Variants in SMAP1 observed in about 807,000 individuals in gnomAD.
The protein encoded by SMAP1 is small ArfGAP 1, also known as stromal membrane-associated protein 1.
A neutral mutation model predicts 58.5 loss-of-function variants in SMAP1; 24 were observed. The observed-to-expected ratio is 0.41, with a 90% CI of 0.30 to 0.58. SMAP1 has a LOEUF of 0.58. Ranked by LOEUF, SMAP1 falls within the 20% of genes least tolerant of loss-of-function variation. The pLI is 0.29. For missense variants in SMAP1, 563 were observed against 566.3 expected (o/e 0.99, Z 0.06); for synonymous variants, 216 against 196.6 (o/e 1.10, Z -0.82).
intron 7 of SMAP1, among the ~76,000 whole-genome samples, chr6:70,846,609 A>T (rs1279309606): frequency 6.6e-6 from 1 of 152,144 alleles, no homozygotes; most frequent in Non-Finnish European, 1.5e-5. Flanking sequence ...TGTGGGTGGT[A>T]TGGCCTGCAG....
At chr6:70,793,602 A>G (rs962298857) in intron 5 of SMAP1, among the ~76,000 whole-genome samples, 1 of 151,642 alleles carries the variant, frequency 6.6e-6, no homozygotes, top group Non-Finnish European at 1.5e-5. Context: ...GGTTGGATAT[A>G]CAGGTCTAGG....
intron 4 of SMAP1, among the ~76,000 whole-genome samples, chr6:70,778,389 C>T (rs1767628693): frequency 6.6e-6 from 1 of 152,024 alleles, no homozygotes; most frequent in South Asian, 2.1e-4. Context: ...TTCCTTTATG[C>T]CTAATTTGTT....
rs558399322 is a variant in SMAP1, at chr6:70,697,598, G to A, written c.118+29457G>A. Among the ~76,000 whole-genome samples, 243 of 152,214 alleles carry A rather than the reference G, an allele frequency of 1.6e-3. 1 individual carries two copies. Among genetic ancestry groups the A allele is most frequent in the African/African-American group, 5.6e-3 (231 of 41,534 alleles). ...TGGGATTACAGGCGTGAGCCACCACGCCTGGCCGCTTCTTGTCTTTTTGTG... is the reference window on the plus strand; with the variant it reads ...TGGGATTACAGGCGTGAGCCACCACACCTGGCCGCTTCTTGTCTTTTTGTG... On this transcript the variant is annotated intron_variant, in intron 1 of 10. Coordinates refer to ENST00000370455, the MANE Select transcript of SMAP1 (RefSeq NM_001044305.3).
intron 3 of SMAP1, among the ~76,000 whole-genome samples, chr6:70,764,830 C>T (rs187066258): frequency 1.3e-5 from 2 of 152,154 alleles, no homozygotes; most frequent in Admixed American, 6.5e-5. Flanking sequence ...GACAGGGTCT[C>T]ACTCCATTGC....
chr6:70,729,447 A>T (rs1392823853), intron 1 of SMAP1, among the ~76,000 whole-genome samples: 1 of 110,108 alleles, frequency 9.1e-6, no homozygotes, highest in Non-Finnish European at 2.0e-5. Flanking sequence ...TCAAAAAAAA[A>T]AAAAAAGAAG....
At chr6:70,769,170 A>G (rs574284172) in intron 3 of SMAP1, among the ~76,000 whole-genome samples, 5 of 152,156 alleles carry the variant, frequency 3.3e-5, no homozygotes, top group Non-Finnish European at 7.3e-5. Context: ...TTTACTTCCA[A>G]CTATGTGGTC....
At chr6:70,737,649 C>T (rs895388618) in intron 2 of SMAP1, among the ~76,000 whole-genome samples, 1 of 152,140 alleles carries the variant, frequency 6.6e-6, no homozygotes, top group Non-Finnish European at 1.5e-5. Flanking sequence ...TCATATGTGT[C>T]TTTGTAGTGC....
chr6:70,668,207 C>A, intron 1 of SMAP1, 66 bp downstream of exon 1: 2 of 1,422,490 alleles, frequency 1.4e-6, no homozygotes, highest in East Asian at 2.6e-5. Context: ...CCCGCCGCTG[C>A]GGCGCTCGGG....
In SMAP1 at chr6:70,826,963, AAAAG is replaced by A. The variant is rs1409734059; in HGVS notation, c.577-9974_577-9971del. Among the ~76,000 whole-genome samples, 387 of 149,864 alleles carry A rather than the reference AAAAG, an allele frequency of 2.6e-3. 2 individuals are homozygous for A. The highest frequency in any genetic ancestry group is 8.8e-3 in the African/African-American group (360 of 40,814). On this transcript the variant is annotated intron_variant, in intron 6 of 10. Coordinates refer to ENST00000370455, the MANE Select transcript of SMAP1 (RefSeq NM_001044305.3). ...AAAAAAAAAAAAAAAAAAAAAAAGA[AAAAG>A]AAAAGAAAAAAAAAACCCCACAGTT...
At chr6:70,728,249 A>G (rs1765269364) in intron 1 of SMAP1, among the ~76,000 whole-genome samples, 1 of 152,158 alleles carries the variant, frequency 6.6e-6, no homozygotes, top group Non-Finnish European at 1.5e-5. Flanking sequence ...GGAAGAGGCC[A>G]GGGGAACACA....
rs757160755 is a variant in SMAP1, at chr6:70,856,952, G to C, written c.883G>C (p.Val295Leu). The C allele has an allele frequency of 6.2e-7, 1 of 1,613,978 alleles. No individual in the cohort carries two copies. Among genetic ancestry groups the C allele is most frequent in the Non-Finnish European group, 8.5e-7 (1 of 1,179,884 alleles). The change falls in exon 9 of 11, where the codon GTG (valine) becomes CTG (leucine). Residue 295 changes from valine (V) to leucine (L), a missense_variant. Physicochemically the swap from Val to Leu is conservative, Grantham distance 32. This residue lies in a region of SMAP1 where 494 missense variants were observed against 473.8 expected (regional missense o/e 1.04). Transcript: ENST00000370455. ...FTEQTTKSEE[V>L]AKKQLSKDSI... is the part of the protein sequence containing the mutation. Reference sequence around the variant, plus strand: ...TGAGCAAACTACAAAATCAGAAGAAGTGGCAAAGAAACAACTTTCCAAAGA... The same window carrying C: ...TGAGCAAACTACAAAATCAGAAGAACTGGCAAAGAAACAACTTTCCAAAGA...
At chr6:70,759,395 G>A (rs571743057) in intron 3 of SMAP1, among the ~76,000 whole-genome samples, 11 of 152,108 alleles carry the variant, frequency 7.2e-5, no homozygotes, top group Admixed American at 2.0e-4. Context: ...GATTTTTTAG[G>A]TGTCCCTTGA....
intron 1 of SMAP1, among the ~76,000 whole-genome samples, chr6:70,700,605 C>A (rs1053720485): frequency 1.3e-5 from 2 of 152,168 alleles, no homozygotes; most frequent in African/African-American, 2.4e-5. Flanking sequence ...GCCTAAACTT[C>A]TTTTCTTTGT....
At chr6:70,825,896 C>G (rs552151510) in intron 6 of SMAP1, among the ~76,000 whole-genome samples, 49 of 152,314 alleles carry the variant, frequency 3.2e-4, no homozygotes, top group African/African-American at 1.2e-3. Context: ...CAGAAAACTT[C>G]TATTTTCTAA....
intron 1 of SMAP1, among the ~76,000 whole-genome samples, chr6:70,697,564 C>G (rs1368316962): frequency 6.6e-6 from 1 of 152,136 alleles, no homozygotes; most frequent in African/African-American, 2.4e-5. Flanking sequence ...CCTCGGCCTC[C>G]CCAAGTGCTG....
At chr6:70,756,541 A>C (rs1766498680) in intron 3 of SMAP1, among the ~76,000 whole-genome samples, 1 of 152,066 alleles carries the variant, frequency 6.6e-6, no homozygotes. Context: ...AAAAGTATGG[A>C]GGTATGAGAG....
chr6:70,861,426 T>A lies in SMAP1; in HGVS notation c.*1092T>A, dbSNP rs1054492983. 4.8e-5 allele frequency: 24 copies of A among 498,802 alleles called. No individual in the cohort carries two copies. In the Admixed American group the frequency reaches 5.6e-4, roughly 12 times the overall value. 30.9% of individuals were successfully genotyped at this position (498,802 alleles called of 1,614,324 possible). A position where few individuals can be genotyped will look rare whatever the true frequency, so the allele number is the denominator to read the frequency against. ...GTACAAAAAAATCTTCCAATTTAGTTGTTGTAGAGAAAACATGCAGAACAA... is the reference window on the plus strand; with the variant it reads ...GTACAAAAAAATCTTCCAATTTAGTAGTTGTAGAGAAAACATGCAGAACAA... On this transcript the variant is annotated 3_prime_UTR_variant, in exon 11 of 11. Coordinates refer to ENST00000370455, the MANE Select transcript of SMAP1 (RefSeq NM_001044305.3).
intron 1 of SMAP1, chr6:70,668,589 C>G (rs887385759): frequency 2.0e-6 from 3 of 1,535,664 alleles, no homozygotes; most frequent in South Asian, 2.4e-5. Context: ...CCGGTGTGAC[C>G]ACGTCCTCCC....
At chr6:70,677,333 A>G (rs983052656) in intron 1 of SMAP1, among the ~76,000 whole-genome samples, 1 of 149,328 alleles carries the variant, frequency 6.7e-6, no homozygotes, top group East Asian at 2.0e-4. Context: ...TGACTTGCTT[A>G]GTGACCAGTT....
Sources: allele counts gnomAD v4.1 joint callset (sites outside exome capture counted in the v4.1 genomes callset), GRCh38; gene constraint gnomAD v4.1.1; regional missense constraint gnomAD v4.1.1; transcripts MANE v1.5; gene names NCBI Gene and HGNC (gene_info 2026-07-23, HGNC 2026-07-21).